ANKS1B: variants seen among roughly 807,000 people sequenced by gnomAD.
The protein encoded by ANKS1B is ankyrin repeat and sterile alpha motif domain containing 1B.
A neutral mutation model predicts 148.3 loss-of-function variants in ANKS1B; 36 were observed. That is an observed-to-expected ratio of 0.24 (90% confidence interval 0.19 to 0.32). The LOEUF is 0.32. Ranked by LOEUF, ANKS1B falls within the 10% of genes least tolerant of loss-of-function variation. The pLI, the probability that ANKS1B is intolerant of heterozygous loss-of-function variation, is 1.00. For synonymous variants in ANKS1B, 542 were observed against 560.8 expected (o/e 0.97, Z 0.47); for missense variants, 1,157 against 1,542.6 (o/e 0.75, Z 4.19).
intron 22 of ANKS1B, among the ~76,000 whole-genome samples, chr12:98,796,734 G>A (rs2098953119): frequency 6.6e-6 from 1 of 152,180 alleles, no homozygotes; most frequent in Non-Finnish European, 1.5e-5. Context: ...TAAGCACCAA[G>A]AGCAGCAAAC....
At chr12:99,124,746 G>C (rs893747641) in intron 15 of ANKS1B, among the ~76,000 whole-genome samples, 1 of 152,146 alleles carries the variant, frequency 6.6e-6, no homozygotes. Context: ...CATCCAAAAG[G>C]AGAGAATGAG....
chr12:99,370,151 G>T (rs1334000995), intron 12 of ANKS1B, among the ~76,000 whole-genome samples: 2 of 152,108 alleles, frequency 1.3e-5, no homozygotes, highest in Non-Finnish European at 2.9e-5. Flanking sequence ...TAACGGCATA[G>T]ATATGATAGG....
In ANKS1B at chr12:99,557,190, A is replaced by G. The variant is rs145199775; in HGVS notation, c.1273-52549T>C. Among the ~76,000 whole-genome samples the G allele has an allele frequency of 2.6e-3, 399 of 152,204 alleles. 2 individuals carry two copies. The highest frequency in any genetic ancestry group is 9.4e-3 in the African/African-American group (392 of 41,546). ...ATAGTATCTCACAGGGTTTCTCTGCATTTCCTGAATTTGAATGTCGACCTC... is the reference window on the plus strand; with the variant it reads ...ATAGTATCTCACAGGGTTTCTCTGCGTTTCCTGAATTTGAATGTCGACCTC... On this transcript the variant is annotated intron_variant, in intron 9 of 26. Coordinates refer to ENST00000683438, the MANE Select transcript of ANKS1B (RefSeq NM_001352186.2).
At chr12:99,718,707 A>C (rs1379390964) in intron 8 of ANKS1B, among the ~76,000 whole-genome samples, 2 of 152,122 alleles carry the variant, frequency 1.3e-5, no homozygotes, top group Non-Finnish European at 1.5e-5. Flanking sequence ...TCCTATCTTC[A>C]ATACCTCCCT....
chr12:98,894,780 G>A, intron 17 of ANKS1B: 2 of 985,246 alleles, frequency 2.0e-6, no homozygotes, highest in Non-Finnish European at 2.4e-6. Context: ...CGAGCGGCGA[G>A]GCGAGGGCGA....
At chr12:99,075,284 TA>T (rs758558792) in intron 16 of ANKS1B, among the ~76,000 whole-genome samples, 93 of 152,342 alleles carry the variant, frequency 6.1e-4, no homozygotes, top group Middle Eastern at 6.8e-3. Context: ...AGTGATCTTC[TA>T]TGTTCCTCTC....
intron 19 of ANKS1B, among the ~76,000 whole-genome samples, chr12:98,825,008 T>A (rs2099236333): frequency 6.6e-6 from 1 of 152,082 alleles, no homozygotes; most frequent in Admixed American, 6.6e-5. Context: ...TTTTATATCA[T>A]TTTAATACAG....
chr12:99,386,453 C>A (rs1005019059), intron 12 of ANKS1B, among the ~76,000 whole-genome samples: 27 of 151,512 alleles, frequency 1.8e-4, no homozygotes, highest in South Asian at 4.2e-4. Flanking sequence ...TAGAAAGTAA[C>A]AACATCAGGG....
intron 8 of ANKS1B, among the ~76,000 whole-genome samples, chr12:99,658,217 C>T (rs1019871992): frequency 6.6e-6 from 1 of 152,120 alleles, no homozygotes; most frequent in Non-Finnish European, 1.5e-5. Flanking sequence ...AAATACCCGC[C>T]TCACTAGCCG....
chr12:99,620,919 A>C (rs1343867552), intron 9 of ANKS1B, among the ~76,000 whole-genome samples: 3 of 152,168 alleles, frequency 2.0e-5, no homozygotes, highest in Admixed American at 6.5e-5. Context: ...CACCTGCAAG[A>C]TACTATACAA....
In ANKS1B at chr12:98,797,083, C is replaced by A. The variant is rs146881264; in HGVS notation, c.3342+1851G>T. Among the ~76,000 whole-genome samples the A allele has an allele frequency of 4.3e-3, 653 of 152,212 alleles. 1 individual carries two copies. Among genetic ancestry groups the A allele is most frequent in the African/African-American group, 0.015 (630 of 41,532 alleles). ...TTATTAGACATGTTCATGAATATTTCTAAAATTATTATGAGGCTTGATGAA... is the reference window on the plus strand; with the variant it reads ...TTATTAGACATGTTCATGAATATTTATAAAATTATTATGAGGCTTGATGAA... On this transcript the variant is annotated intron_variant, in intron 22 of 26. Coordinates refer to ENST00000683438, the MANE Select transcript of ANKS1B (RefSeq NM_001352186.2).
chr12:99,920,396 A>G (rs2094315175), intron 1 of ANKS1B, among the ~76,000 whole-genome samples: 1 of 152,114 alleles, frequency 6.6e-6, no homozygotes, highest in African/African-American at 2.4e-5. Context: ...GCTGTCTACT[A>G]GAAAAAATAA....
intron 17 of ANKS1B, among the ~76,000 whole-genome samples, chr12:98,930,091 A>G (rs1054347655): frequency 2.6e-5 from 4 of 152,166 alleles, no homozygotes; most frequent in Non-Finnish European, 5.9e-5. Context: ...GCTCAACAAT[A>G]AAAGATAAGT....
chr12:99,426,584 TCA>T (rs1466896208), intron 11 of ANKS1B, among the ~76,000 whole-genome samples: 1 of 152,184 alleles, frequency 6.6e-6, no homozygotes, highest in African/African-American at 2.4e-5. Context: ...AAGAGAAATT[TCA>T]CAGACTAGTA....
intron 9 of ANKS1B, among the ~76,000 whole-genome samples, chr12:99,636,525 C>T (rs1268761232): frequency 6.6e-6 from 1 of 152,128 alleles, no homozygotes. Flanking sequence ...CCTCTAGAAA[C>T]ACTAGAAAGT....
intron 17 of ANKS1B, among the ~76,000 whole-genome samples, chr12:98,979,206 T>C (rs1333540133): frequency 2.0e-5 from 3 of 152,056 alleles, no homozygotes; most frequent in Non-Finnish European, 4.4e-5. Context: ...ATTTACCACT[T>C]ACATCACTTC....
chr12:99,317,915 G>C (rs2084456131), intron 12 of ANKS1B, among the ~76,000 whole-genome samples: 3 of 152,168 alleles, frequency 2.0e-5, no homozygotes, highest in Admixed American at 2.0e-4. Flanking sequence ...TGCATCTATT[G>C]AGATAATCAT....
At chr12:99,647,170 CCTATA>C (rs1433374353) in intron 9 of ANKS1B, among the ~76,000 whole-genome samples, 2 of 152,072 alleles carry the variant, frequency 1.3e-5, no homozygotes, top group African/African-American at 2.4e-5. Flanking sequence ...TTGAATCTCA[CCTATA>C]CTATGAGTTT....
intron 10 of ANKS1B, among the ~76,000 whole-genome samples, chr12:99,453,969 A>G (rs2095802652): frequency 6.6e-6 from 1 of 152,224 alleles, no homozygotes; most frequent in Non-Finnish European, 1.5e-5. Context: ...AAGTGAAGAA[A>G]AAAAATGTAA....
Sources: allele counts gnomAD v4.1 joint callset (sites outside exome capture counted in the v4.1 genomes callset), GRCh38; gene constraint gnomAD v4.1.1; transcripts MANE v1.5; gene names NCBI Gene and HGNC (gene_info 2026-07-23, HGNC 2026-07-21).